Variants in YWHAZ observed in about 807,000 individuals in gnomAD.
YWHAZ encodes the protein 14-3-3 protein zeta/delta.
For missense variants in YWHAZ, 79 were observed against 284.8 expected, an observed-to-expected ratio of 0.28 and a Z score of 5.20; for synonymous variants, 87 against 103.6, an observed-to-expected ratio of 0.84 and a Z score of 0.97.
chr8:100,941,874 C>A (rs115743065), intron 2 of YWHAZ, among the ~76,000 whole-genome samples: 29 of 150,484 alleles, frequency 1.9e-4, no homozygotes, highest in African/African-American at 6.6e-4. Context: ...AATACTAATA[C>A]AACAAAAATT....
At chr8:100,928,849 G>A (rs1020132617) in intron 2 of YWHAZ, among the ~76,000 whole-genome samples, 3 of 152,200 alleles carry the variant, frequency 2.0e-5, no homozygotes, top group Admixed American at 6.5e-5. Flanking sequence ...ACTAGAAACT[G>A]TCAGGATAAT....
intron 1 of YWHAZ, 108 bp from the exon 2 acceptor site, chr8:100,949,008 G>A: frequency 8.0e-7 from 1 of 1,254,262 alleles, no homozygotes; most frequent in Non-Finnish European, 1.1e-6. Context: ...CTAACTGCCT[G>A]TGAAAGACTG....
chr8:100,920,858 T>A, intron 5 of YWHAZ, 106 bp from the exon 6 acceptor site: 2 of 919,076 alleles, frequency 2.2e-6, no homozygotes, highest in Non-Finnish European at 3.5e-6. Context: ...TGGAAAGCAT[T>A]CTTAAAAAGA....
chr8:100,926,736 G>A (rs1337357174), intron 2 of YWHAZ, among the ~76,000 whole-genome samples: 2 of 152,234 alleles, frequency 1.3e-5, no homozygotes, highest in African/African-American at 4.8e-5. Context: ...TCTCTTAGCT[G>A]CAAAAGTGTT....
intron 2 of YWHAZ, among the ~76,000 whole-genome samples, chr8:100,947,403 C>G (rs1040836186): frequency 6.6e-6 from 1 of 152,066 alleles, no homozygotes; most frequent in African/African-American, 2.4e-5. Context: ...CTAAAGGTTT[C>G]AATAAGCAAA....
At chr8:100,932,116 GT>G (rs1813804753) in intron 2 of YWHAZ, 1 of 152,148 alleles carries the variant, frequency 6.6e-6, no homozygotes, top group Non-Finnish European at 1.5e-5. Flanking sequence ...AATATTAGTA[GT>G]AGACATAATG....
chr8:100,951,915 G>A lies in YWHAZ; in HGVS notation c.-12+14C>T. ...GGACAGGAAGCGAGGCGCGGCGGCG[G>A]CCGGGTTCCTCACCTGTGTCCGGAG... On this transcript the variant is annotated intron_variant, in intron 1 of 5. Coordinates refer to ENST00000395958, the MANE Select transcript of YWHAZ (RefSeq NM_145690.3). 1 of 995,442 alleles carries A rather than the reference G, an allele frequency of 1.0e-6. No individual in the cohort carries two copies. Among genetic ancestry groups the A allele is most frequent in the Non-Finnish European group, 1.2e-6 (1 of 836,154 alleles). The allele number at this position is 995,442 out of a possible 1,614,324, so 61.7% of individuals were successfully genotyped here. A position where few individuals can be genotyped will look rare whatever the true frequency, so the allele number is the denominator to read the frequency against.
chr8:100,951,269 G>A (rs1810748125), intron 1 of YWHAZ: 1 of 984,684 alleles, frequency 1.0e-6, no homozygotes, highest in Non-Finnish European at 1.2e-6. Flanking sequence ...CTGGGCTCCG[G>A]CCCGCTCTCG....
At chr8:100,952,391 C>T (rs1421525893), upstream of YWHAZ, 1 of 155,484 alleles carries the variant, frequency 6.4e-6, no homozygotes, top group African/African-American at 2.4e-5. Flanking sequence ...CCCCAACGCC[C>T]TCTCTCTCCC....
At position 100,939,597 on chromosome 8, in the gene YWHAZ, TGTG is replaced by T. The variant is rs758192169; in HGVS notation, c.294+8996_294+8998del. Among the ~76,000 whole-genome samples, 9 of 151,050 alleles carry T rather than the reference TGTG, an allele frequency of 6.0e-5. No individual in the cohort carries two copies. In the East Asian group the frequency reaches 1.8e-3, roughly 29 times the overall value. ...TCGCTTGAACCCAGGAGACGGAGGA[TGTG>T]GTGAGCCAAGATCACGCCATTGCAC... On this transcript the variant is annotated intron_variant, in intron 2 of 5. Transcript: ENST00000395958.
At chr8:100,928,898 CAATTA>C (rs1813564851) in intron 2 of YWHAZ, among the ~76,000 whole-genome samples, 1 of 152,062 alleles carries the variant, frequency 6.6e-6, no homozygotes, top group African/African-American at 2.4e-5. Context: ...GAGACAAGAC[CAATTA>C]AATTTAGCAA....
chr8:100,951,148 G>A (rs1810731455), intron 1 of YWHAZ: 34 of 981,496 alleles, frequency 3.5e-5, no homozygotes, highest in Non-Finnish European at 4.0e-5. Context: ...AGGAAATTCA[G>A]CTCTAGGTCC....
At chr8:100,925,954 A>G (rs1813331470) in intron 2 of YWHAZ, among the ~76,000 whole-genome samples, 1 of 152,146 alleles carries the variant, frequency 6.6e-6, no homozygotes, top group Non-Finnish European at 1.5e-5. Flanking sequence ...CCAACCACCC[A>G]TTCTCACTAC....
At chr8:100,951,582 G>A (rs1473190859) in intron 1 of YWHAZ, 20 of 984,946 alleles carry the variant, frequency 2.0e-5, no homozygotes, top group Non-Finnish European at 2.4e-5. Flanking sequence ...GGCCGGCGGC[G>A]CCCCGGCCAT....
At chr8:100,946,673 C>A (rs1056538341) in intron 2 of YWHAZ, among the ~76,000 whole-genome samples, 10 of 152,072 alleles carry the variant, frequency 6.6e-5, no homozygotes, top group Non-Finnish European at 2.9e-5. Context: ...ACATACCTAC[C>A]TGGTATTGCA....
rs71276929 is a variant in YWHAZ, at chr8:100,950,657, T to TTGGGG, written c.-12+1271_-12+1272insCCCCA. The stretch of plus-strand genomic sequence containing the variant: ...GCAGCCCGCGCCCCCGCCCAAGCCG[T>TTGGGG]GGGGGGGGGGGAGAGATGGGGAGCG... On this transcript the variant is annotated intron_variant, in intron 1 of 5. Coordinates refer to ENST00000395958, the MANE Select transcript of YWHAZ (RefSeq NM_145690.3). The TTGGGG allele has an allele frequency of 2.5e-4, 184 of 722,624 alleles. 7 individuals are homozygous for TTGGGG. The highest frequency in any genetic ancestry group is 1.9e-3 in the East Asian group (10 of 5,280). The allele number at this position is 722,624 out of a possible 1,614,324, so 44.8% of individuals were successfully genotyped here. A position where few individuals can be genotyped will look rare whatever the true frequency, so the allele number is the denominator to read the frequency against.
intron 1 of YWHAZ, among the ~76,000 whole-genome samples, chr8:100,950,117 T>TAA (rs774527242): frequency 4.6e-5 from 7 of 152,174 alleles, no homozygotes; most frequent in Admixed American, 6.5e-5. Context: ...AACAAATAAT[T>TAA]AACCACTTTG....
chr8:100,918,443 T>TAAAAA lies in YWHAZ; in HGVS notation c.*2249_*2250insTTTTT, dbSNP rs1554611443. ...ATATATATATATATATATATATATA[T>TAAAAA]AATTATTTTACCTCCTTGGCTTGGG... On this transcript the variant is annotated 3_prime_UTR_variant, in exon 6 of 6. Coordinates refer to ENST00000395958, the MANE Select transcript of YWHAZ (RefSeq NM_145690.3). The TAAAAA allele has an allele frequency of 1.7e-5, 2 of 117,062 alleles. No individual in the cohort carries two copies. Among genetic ancestry groups the TAAAAA allele is most frequent in the African/African-American group, 6.7e-5 (2 of 29,668 alleles). 7.3% of individuals were successfully genotyped at this position (117,062 alleles called of 1,614,324 possible).
chr8:100,931,800 T>A (rs1813780538), intron 2 of YWHAZ, among the ~76,000 whole-genome samples: 1 of 152,152 alleles, frequency 6.6e-6, no homozygotes, highest in Non-Finnish European at 1.5e-5. Context: ...AGTGCTCTTG[T>A]ACTCTTAAGT....
Sources: allele counts gnomAD v4.1 joint callset (sites outside exome capture counted in the v4.1 genomes callset), GRCh38; gene constraint gnomAD v4.1.1; transcripts MANE v1.5; gene names NCBI Gene and HGNC (gene_info 2026-07-23, HGNC 2026-07-21).